DTYMK: variants seen among roughly 807,000 people sequenced by gnomAD.
DTYMK encodes the protein deoxythymidylate kinase.
Under a neutral mutation model 20.3 loss-of-function variants are expected in DTYMK, and 20 were observed. That is an observed-to-expected ratio of 0.99 (90% CI 0.69 to 1.43). The LOEUF (loss-of-function observed/expected upper bound fraction) is 1.43, where lower values mean the gene tolerates loss of function less well. DTYMK is among the 40% of genes most tolerant of loss of function. The probability of loss-of-function intolerance (pLI) is 0.00; values close to 1 mark genes in which losing one functional copy is unlikely to be tolerated. For missense variants in DTYMK, 320 were observed against 291.1 expected (o/e 1.10, Z -0.72); for synonymous variants, 148 against 124.4 (o/e 1.19, Z -1.27).
rs149298120 is a variant in DTYMK at position 241,676,220 on chromosome 2, T to G, written c.546A>C (p.Lys182Asn). The change falls in exon 5 of 5, where the codon AAA (lysine) becomes AAC (asparagine). Residue 182 changes from lysine (K) to asparagine (N), a missense_variant. Lys to Asn is a moderately conservative substitution (Grantham distance 94). Coordinates refer to ENST00000305784, the MANE Select transcript of DTYMK (RefSeq NM_012145.4). ...TGTCCTCATGGACAGCTTCGATGCT[T>G]TTGGAAGCATCCACCATCTGTTCCC... The part of the protein sequence containing the change: ...TLNWKMVDAS[K>N]SIEAVHEDIR... 2.9e-5 allele frequency: 47 copies of G among 1,611,666 alleles called. No homozygotes were observed. In the African/African-American group the frequency reaches 4.8e-4, roughly 16 times the overall value.
chr2:241,683,433 A>AT (rs555211865), intron 2 of DTYMK, among the ~76,000 whole-genome samples: 63 of 149,232 alleles, frequency 4.2e-4, no homozygotes, highest in Middle Eastern at 6.9e-3. Flanking sequence ...ACGTTACGAG[A>AT]TTTTTTTTTT....
intron 2 of DTYMK, chr2:241,682,473 G>T (rs548595699): frequency 3.3e-4 from 92 of 280,470 alleles, no homozygotes; most frequent in Non-Finnish European, 5.5e-4. Flanking sequence ...TCAAAAATAA[G>T]AAATCAACCA....
chr2:241,678,710 C>T lies in DTYMK; in HGVS notation c.331-61G>A. On this transcript the variant is annotated intron_variant, in intron 3 of 4. Transcript: ENST00000305784. ...TAGTCTAGGTTTTTGTTTCGAAAGT[C>T]GTAAAAACAGGAAAAAATGAGGGGA... The T allele has an allele frequency of 4.4e-6, 7 of 1,575,564 alleles. No individual in the cohort carries two copies. In the South Asian group the frequency reaches 4.6e-5, roughly 10 times the overall value.
At chr2:241,685,606 G>A in intron 2 of DTYMK, 163 bp downstream of exon 2, 1 of 643,186 alleles carries the variant, frequency 1.6e-6, no homozygotes, top group Non-Finnish European at 2.6e-6. Flanking sequence ...CGCCCTTTGG[G>A]AACTAGGGCG....
intron 4 of DTYMK, among the ~76,000 whole-genome samples, chr2:241,677,551 G>A (rs369160870): frequency 7.2e-5 from 11 of 152,362 alleles, no homozygotes; most frequent in South Asian, 2.1e-4. Context: ...CAGTGCTGGC[G>A]CCCGACGTGC....
chr2:241,684,776 T>C (rs1002642568), intron 2 of DTYMK: 1 of 456,858 alleles, frequency 2.2e-6, no homozygotes, highest in African/African-American at 2.1e-5. Flanking sequence ...CAAAAAAAGG[T>C]GGTAGGAGAG....
At position 241,676,076 on chromosome 2, in the gene DTYMK, C is replaced by T. The variant is rs2069106903; in HGVS notation, c.*51G>A. 1 of 1,538,370 alleles carries T rather than the reference C, an allele frequency of 6.5e-7. No homozygotes were observed. Among genetic ancestry groups the T allele is most frequent in the East Asian group, 2.3e-5 (1 of 42,944 alleles). On this transcript the variant is annotated 3_prime_UTR_variant, in exon 5 of 5. Coordinates refer to ENST00000305784, the MANE Select transcript of DTYMK (RefSeq NM_012145.4). ...GGGGACGGGGCCTTCCGCGAGTCTC[C>T]CACCTCTCGGGGGACTGCAGGGAGA... is the stretch of plus-strand genomic sequence containing the variant.
intron 2 of DTYMK, chr2:241,682,067 G>T: frequency 3.1e-6 from 1 of 325,660 alleles, no homozygotes; most frequent in South Asian, 2.2e-5. Flanking sequence ...GGCCAGGCAG[G>T]GTGGCTCATG....
At chr2:241,679,622 G>A (rs570551266) in intron 3 of DTYMK, among the ~76,000 whole-genome samples, 4 of 150,828 alleles carry the variant, frequency 2.7e-5, no homozygotes, top group Non-Finnish European at 5.9e-5. Context: ...AGAGGGAGAC[G>A]CCCTCTTTCA....
At chr2:241,686,519 G>A in intron 1 of DTYMK, 135 bp downstream of exon 1, 6 of 1,309,570 alleles carry the variant, frequency 4.6e-6, no homozygotes, top group Non-Finnish European at 5.9e-6. Context: ...GGGCGACACA[G>A]GGAAAGCCCG....
intron 4 of DTYMK, among the ~76,000 whole-genome samples, chr2:241,676,573 C>T (rs902259176): frequency 6.6e-6 from 1 of 152,254 alleles, no homozygotes; most frequent in African/African-American, 2.4e-5. Context: ...CTCCGGGATA[C>T]CCCACACCTT....
intron 2 of DTYMK, among the ~76,000 whole-genome samples, chr2:241,683,651 G>A (rs913481842): frequency 2.6e-5 from 4 of 152,168 alleles, no homozygotes; most frequent in African/African-American, 4.8e-5. Flanking sequence ...CCTGCACCAG[G>A]ATGTTTATAA....
Position 241,676,048 on chromosome 2 carries a change from G to A in DTYMK, c.*79C>T, listed in dbSNP as rs1428404897. ...CCTGAAGTTGTGGGGTCTGGACTCT[G>A]CTGGGGACGGGGCCTTCCGCGAGTC... On this transcript the variant is annotated 3_prime_UTR_variant, in exon 5 of 5. Coordinates refer to ENST00000305784, the MANE Select transcript of DTYMK (RefSeq NM_012145.4). The A allele has an allele frequency of 2.9e-6, 4 of 1,363,214 alleles. No individual in the cohort carries two copies. The highest frequency in any genetic ancestry group is 3.0e-6 in the Non-Finnish European group (3 of 1,006,920). 84.4% of individuals were successfully genotyped at this position (1,363,214 alleles called of 1,614,324 possible).
Position 241,675,931 on chromosome 2 carries a change from A to G in DTYMK, c.*196T>C, listed in dbSNP as rs1048805983. ...GCTCCATCGCTCTGCTCATGTCCAC[A>G]CTGCCAAGGTCCCCACCACGGGGGT... On this transcript the variant is annotated 3_prime_UTR_variant, in exon 5 of 5. Coordinates refer to ENST00000305784, the MANE Select transcript of DTYMK (RefSeq NM_012145.4). The G allele has an allele frequency of 2.0e-5, 11 of 537,368 alleles. No individual in the cohort carries two copies. The highest frequency in any genetic ancestry group is 3.3e-5 in the Non-Finnish European group (10 of 304,606). The allele number at this position is 537,368 out of a possible 1,614,324, so 33.3% of individuals were successfully genotyped here.
At chr2:241,676,316 T>C in intron 4 of DTYMK, 79 bp from the exon 5 acceptor site, 2 of 1,381,660 alleles carry the variant, frequency 1.4e-6, no homozygotes, top group Non-Finnish European at 2.0e-6. Flanking sequence ...ACGCCTGTAA[T>C]CCCAGCACTT....
chr2:241,685,758 A>G lies in DTYMK; in HGVS notation c.239+11T>C. 6.2e-7 allele frequency: 1 copy of G among 1,613,070 alleles called. No individual in the cohort carries two copies. Among genetic ancestry groups the G allele is most frequent in the Non-Finnish European group, 8.5e-7 (1 of 1,179,076 alleles). The stretch of plus-strand genomic sequence containing the variant: ...GCAAGGGCAGAGGGAGCAGTGTGCA[A>G]TGGTTTTTACACTTGTTCCCAGCGA... On this transcript the variant is annotated intron_variant, in intron 2 of 4. Transcript: ENST00000305784.
chr2:241,685,873 T>C lies in DTYMK; in HGVS notation c.135A>G (p.Arg45=). 6.2e-7 allele frequency: 1 copy of C among 1,614,058 alleles called. No individual in the cohort carries two copies. Among genetic ancestry groups the C allele is most frequent in the South Asian group, 1.1e-5 (1 of 91,084 alleles). Reference sequence around the variant, plus strand: ...TCAGAAGTTTGCCGATTTCAGTTGATCTTTCTAGAAAAAAAGAGAAACACA... The same window carrying C: ...TCAGAAGTTTGCCGATTTCAGTTGACCTTTCTAGAAAAAAAGAGAAACACA... ...HRAELLRFPE[R]STEIGKLLSS... Residue 45 remains arginine (R), a synonymous_variant, in exon 2 of 5, where the codon AGA becomes AGG. Coordinates refer to ENST00000305784, the MANE Select transcript of DTYMK (RefSeq NM_012145.4).
rs763233689 is a variant in DTYMK, at chr2:241,678,426, C to CT, written c.528+25dup. 106 of 1,613,738 alleles carry CT rather than the reference C, an allele frequency of 6.6e-5. 1 individual carries two copies. Among genetic ancestry groups the CT allele is most frequent in the Non-Finnish European group, 8.8e-5 (104 of 1,179,856 alleles). On this transcript the variant is annotated intron_variant, in intron 4 of 4. Coordinates refer to ENST00000305784, the MANE Select transcript of DTYMK (RefSeq NM_012145.4). ...ATCCTGAGCCACTTCTCCACGCTTCCTAGTGTGCAATTCTGGGATTCTCAC... is the reference window on the plus strand; with the variant it reads ...ATCCTGAGCCACTTCTCCACGCTTCCTTAGTGTGCAATTCTGGGATTCTCAC...
chr2:241,685,658 T>C, intron 2 of DTYMK, 111 bp downstream of exon 2: 1 of 1,168,912 alleles, frequency 8.6e-7, no homozygotes, highest in East Asian at 2.4e-5. Context: ...CAGAAGAACA[T>C]CAGGCCCAGC....
Sources: gnomAD v4.1 joint callset for allele counts (sites outside exome capture counted in the v4.1 genomes callset) on GRCh38, gnomAD v4.1.1 for gene constraint, MANE v1.5 for transcripts, NCBI Gene and HGNC (gene_info 2026-07-23, HGNC 2026-07-21) for gene names.